CPSF7: variants seen among roughly 807,000 people sequenced by gnomAD.
CPSF7 encodes cleavage and polyadenylation specific factor 7, also known as cleavage and polyadenylation specificity factor subunit 7.
A neutral mutation model predicts 44.3 loss-of-function variants in CPSF7; 1 was observed. The ratio of observed to expected loss-of-function variants is 0.02; its 90% CI spans 0.01 to 0.11. The LOEUF is 0.11. Among genes scored for constraint, CPSF7 ranks in the 10% least tolerant of loss-of-function variants. The pLI, the probability that CPSF7 is intolerant of heterozygous loss-of-function variation, is 1.00. For synonymous variants in CPSF7, 202 were observed against 222.0 expected, an observed-to-expected ratio of 0.91 and a Z score of 0.80; for missense variants, 443 against 607.2, an observed-to-expected ratio of 0.73 and a Z score of 2.84.
intron 3 of CPSF7, chr11:61,421,138 TA>T: frequency 7.0e-7 from 1 of 1,429,068 alleles, no homozygotes. Context: ...CTGCTAGACA[TA>T]AAGCCCCAGG....
Position 61,416,341 on chromosome 11 carries a change from T to C in CPSF7, c.702A>G (p.Pro234=), listed in dbSNP as rs781438426. The C allele has an allele frequency of 1.1e-4, 159 of 1,505,754 alleles. 4 individuals are homozygous for C. In the South Asian group the frequency reaches 1.9e-3, roughly 18 times the overall value. The allele number at this position is 1,505,754 out of a possible 1,614,324, so 93.3% of individuals were successfully genotyped here. A position where few individuals can be genotyped will look rare whatever the true frequency, so the allele number is the denominator to read the frequency against. The change falls in exon 6 of 10, where the codon CCA becomes CCG. Residue 234 remains proline, a synonymous_variant. Coordinates refer to ENST00000439958, the MANE Select transcript of CPSF7 (RefSeq NM_001142565.3). ...PLMGLPPPPI[P]PPPPLSSSFG... Reference sequence around the variant, plus strand: ...AGCTTGAGGAGAGAGGTGGTGGGGGTGGAATTGGTGGTGGGGGCAGACCCA... The same window carrying C: ...AGCTTGAGGAGAGAGGTGGTGGGGGCGGAATTGGTGGTGGGGGCAGACCCA...
intron 7 of CPSF7, 105 bp downstream of exon 7, chr11:61,415,561 A>G: frequency 1.3e-6 from 1 of 752,742 alleles, no homozygotes; most frequent in South Asian, 1.6e-5. Context: ...TGATATCTAC[A>G]GTACTCCAAC....
chr11:61,419,931 G>C lies in CPSF7; in HGVS notation c.523+18C>G. Reference sequence around the variant, plus strand: ...GATGGTCTCCACGTACCCCCTCTTGGGACTCGGACACACTCACGTTTCCGA... The same window carrying C: ...GATGGTCTCCACGTACCCCCTCTTGCGACTCGGACACACTCACGTTTCCGA... On this transcript the variant is annotated intron_variant, in intron 5 of 9. Coordinates refer to ENST00000439958, the MANE Select transcript of CPSF7 (RefSeq NM_001142565.3). 3 of 1,611,850 alleles carry C rather than the reference G, an allele frequency of 1.9e-6. No individual in the cohort carries two copies. The highest frequency in any genetic ancestry group is 2.5e-6 in the Non-Finnish European group (3 of 1,179,282).
At chr11:61,429,323 G>A (rs187078545) in intron 1 of CPSF7, 33 bp from the exon 2 acceptor site, 30 of 1,284,402 alleles carry the variant, frequency 2.3e-5, no homozygotes, top group African/African-American at 1.7e-4. Context: ...AGAATTAGAA[G>A]GCACGAGGGT....
At chr11:61,405,459 A>G (rs191389310) in intron 9 of CPSF7, among the ~76,000 whole-genome samples, 3 of 152,352 alleles carry the variant, frequency 2.0e-5, no homozygotes, top group African/African-American at 7.2e-5. Context: ...CAGAAAGCAG[A>G]GCATGGAAGA....
chr11:61,429,871 C>T, intron 1 of CPSF7, 43 bp downstream of exon 1: 2 of 1,534,280 alleles, frequency 1.3e-6, no homozygotes, highest in Non-Finnish European at 1.8e-6. Flanking sequence ...GGCCCGGACC[C>T]CTCTTCCGGC....
At chr11:61,409,178 C>T (rs952668947) in intron 9 of CPSF7, among the ~76,000 whole-genome samples, 1 of 150,428 alleles carries the variant, frequency 6.6e-6, no homozygotes, top group South Asian at 2.1e-4. Flanking sequence ...CAAAACAAAA[C>T]AAAACAAAAA....
intron 9 of CPSF7, among the ~76,000 whole-genome samples, chr11:61,409,384 T>C (rs186307806): frequency 4.3e-4 from 65 of 151,698 alleles, no homozygotes; most frequent in South Asian, 6.3e-4. Context: ...AGGCAGAGAA[T>C]TGCTTGAACC....
intron 1 of CPSF7, chr11:61,429,698 C>A (rs1861769876): frequency 6.6e-7 from 1 of 1,522,434 alleles, no homozygotes; most frequent in Non-Finnish European, 8.8e-7. Flanking sequence ...CGCCTCTGCC[C>A]CCAACCCAGG....
chr11:61,415,158 AAAC>A (rs1860204454), intron 7 of CPSF7, among the ~76,000 whole-genome samples: 1 of 152,204 alleles, frequency 6.6e-6, no homozygotes, highest in Admixed American at 6.5e-5. Flanking sequence ...GAATCGCTTG[AAAC>A]CAGGAGGTGG....
chr11:61,412,427 C>T (rs1859938211), intron 7 of CPSF7, among the ~76,000 whole-genome samples: 1 of 151,862 alleles, frequency 6.6e-6, no homozygotes, highest in Non-Finnish European at 1.5e-5. Flanking sequence ...GTAGCTGGGA[C>T]TACAGGCGCC....
intron 9 of CPSF7, chr11:61,406,123 C>A (rs1384446789): frequency 6.6e-6 from 1 of 152,186 alleles, no homozygotes; most frequent in African/African-American, 2.4e-5. Context: ...ATAACTTGTA[C>A]ACCAAGAGAA....
intron 9 of CPSF7, among the ~76,000 whole-genome samples, chr11:61,409,480 A>C (rs1565099813): frequency 6.6e-6 from 1 of 152,092 alleles, no homozygotes; most frequent in Non-Finnish European, 1.5e-5. Context: ...AAACAAAACA[A>C]AACAAAAAAC....
At chr11:61,411,204 T>C (rs901776695) in intron 8 of CPSF7, 99 bp from the exon 9 acceptor site, 13 of 1,210,426 alleles carry the variant, frequency 1.1e-5, no homozygotes, top group Non-Finnish European at 1.5e-5. Flanking sequence ...AAACTATTCC[T>C]CTATTACTCT....
chr11:61,422,206 T>C (rs865822025), intron 2 of CPSF7, among the ~76,000 whole-genome samples: 1 of 151,858 alleles, frequency 6.6e-6, no homozygotes, highest in Admixed American at 6.6e-5. Context: ...TCGGAGAAAA[T>C]AAAAAATAAA....
At chr11:61,428,342 C>G (rs1202098497) in intron 2 of CPSF7, among the ~76,000 whole-genome samples, 2 of 152,092 alleles carry the variant, frequency 1.3e-5, no homozygotes, top group African/African-American at 2.4e-5. Context: ...GCCACCATAT[C>G]TCGTTGTTGT....
intron 9 of CPSF7, among the ~76,000 whole-genome samples, chr11:61,405,764 C>T (rs1479931899): frequency 6.6e-6 from 1 of 152,194 alleles, no homozygotes; most frequent in Non-Finnish European, 1.5e-5. Context: ...GAGACATCTA[C>T]GTCCTCCCTG....
At chr11:61,421,113 G>A (rs928712220) in intron 3 of CPSF7, 8 of 1,395,302 alleles carry the variant, frequency 5.7e-6, no homozygotes, top group East Asian at 3.6e-5. Context: ...CTGAAATCTC[G>A]TCCCTCAGAT....
chr11:61,408,057 CTTTT>C (rs111594039), intron 9 of CPSF7, among the ~76,000 whole-genome samples: 4 of 137,750 alleles, frequency 2.9e-5, no homozygotes, highest in Non-Finnish European at 3.1e-5. Flanking sequence ...TCAAGGACAT[CTTTT>C]TTTTTTTTTT....
Sources: gnomAD v4.1 joint callset for allele counts (sites outside exome capture counted in the v4.1 genomes callset) on GRCh38, gnomAD v4.1.1 for gene constraint, MANE v1.5 for transcripts, NCBI Gene and HGNC (gene_info 2026-07-23, HGNC 2026-07-21) for gene names.